MACROD1: variants seen among roughly 807,000 people sequenced by gnomAD.
The protein encoded by MACROD1 is ADP-ribose glycohydrolase MACROD1.
A neutral mutation model predicts 41.4 loss-of-function variants in MACROD1; 31 were observed. The ratio of observed to expected loss-of-function variants is 0.75; its 90% CI spans 0.56 to 1.01. The LOEUF (loss-of-function observed/expected upper bound fraction) is 1.01. Among genes scored for constraint, MACROD1 ranks in the 50% least tolerant of loss-of-function variants. MACROD1 has a pLI of 0.00. For missense variants in MACROD1, 473 were observed against 460.0 expected (o/e 1.03, Z -0.26); for synonymous variants, 252 against 203.4 (o/e 1.24, Z -2.03).
rs748392464 is a variant in MACROD1 at position 64,117,389 on chromosome 11, G to C, written c.517+33850C>G. 274 of 1,612,326 alleles carry C rather than the reference G, an allele frequency of 1.7e-4. 2 individuals are homozygous for C. The Admixed American group carries it at 4.4e-3, about 26-fold the overall frequency. On this transcript the variant is annotated intron_variant, in intron 3 of 10. Transcript: ENST00000255681. ...TGGCCATCAAGGACATTACCAGCGA[G>C]ATGGACGAGTGTTTTGAGACGGGGC...
chr11:64,057,511 C>A (rs1315395162), intron 3 of MACROD1, among the ~76,000 whole-genome samples: 1 of 152,210 alleles, frequency 6.6e-6, no homozygotes, highest in African/African-American at 2.4e-5. Context: ...TGGAGGCAAG[C>A]CCAGCTCTCC....
Position 64,036,542 on chromosome 11 carries a change from C to T in MACROD1, c.518-21261G>A, listed in dbSNP as rs1943384158. 6.6e-6 allele frequency among the ~76,000 whole-genome samples: 1 copy of T among 152,176 alleles called. No homozygotes were observed. Among genetic ancestry groups the T allele is most frequent in the Non-Finnish European group, 1.5e-5 (1 of 68,004 alleles). On this transcript the variant is annotated intron_variant, in intron 3 of 10. Transcript: ENST00000255681. The surrounding 1 kb of genome is among the most constrained non-coding windows in gnomAD (Gnocchi z 5.6). ...GGCGTCAGGCCGGTCATGTGGGTCC[C>T]AGCTCCCGCACTCGGGAACCGGAGG...
chr11:64,157,352 C>A (rs1328422873), intron 1 of MACROD1, among the ~76,000 whole-genome samples: 2 of 152,170 alleles, frequency 1.3e-5, no homozygotes, highest in East Asian at 3.8e-4. Flanking sequence ...CCTCAGCCTC[C>A]GAAAGTGCTG....
At chr11:64,105,431 C>T (rs1488845245) in intron 3 of MACROD1, among the ~76,000 whole-genome samples, 1 of 152,214 alleles carries the variant, frequency 6.6e-6, no homozygotes, top group Non-Finnish European at 1.5e-5. Context: ...GGGGCCTGGC[C>T]CTCTGGTTGT....
At chr11:64,150,859 C>A (rs779563084) in intron 3 of MACROD1, among the ~76,000 whole-genome samples, 2 of 152,232 alleles carry the variant, frequency 1.3e-5, no homozygotes, top group Non-Finnish European at 2.9e-5. Context: ...CCGCCCAGGT[C>A]TGAAGCGGGG....
At chr11:64,009,502 C>T (rs1942968175) in intron 4 of MACROD1, among the ~76,000 whole-genome samples, 1 of 152,232 alleles carries the variant, frequency 6.6e-6, no homozygotes, top group African/African-American at 2.4e-5. Context: ...CTGGGTCTCC[C>T]TGAAGGCAGA....
chr11:64,061,042 G>A (rs1296953745), intron 3 of MACROD1, among the ~76,000 whole-genome samples: 1 of 152,110 alleles, frequency 6.6e-6, no homozygotes, highest in Non-Finnish European at 1.5e-5. Flanking sequence ...CTCCTCCCTT[G>A]TCTTGATGGA....
chr11:64,141,697 C>A (rs1482710050), intron 3 of MACROD1, among the ~76,000 whole-genome samples: 3 of 152,206 alleles, frequency 2.0e-5, no homozygotes, highest in Admixed American at 6.5e-5. Context: ...ACCGGGGACG[C>A]AAGCAGGGGC....
intron 3 of MACROD1, among the ~76,000 whole-genome samples, chr11:64,116,050 C>A (rs577065924): frequency 6.6e-5 from 10 of 152,186 alleles, no homozygotes; most frequent in Non-Finnish European, 7.3e-5. Context: ...CAATCACCTG[C>A]GGCATAAACC....
rs139116047 is a variant in MACROD1, at chr11:64,099,507, C to A, written c.517+51732G>T. On this transcript the variant is annotated intron_variant, in intron 3 of 10. Transcript: ENST00000255681. ...AGAGACGGATGGATGAATGGACAGA[C>A]GGATAGATGGAGAAATGGATGGATG... Among the ~76,000 whole-genome samples the A allele has an allele frequency of 1.8e-3, 273 of 151,372 alleles. 2 individuals carry two copies. Among genetic ancestry groups the A allele is most frequent in the African/African-American group, 6.1e-3 (251 of 41,208 alleles).
chr11:64,050,264 C>T (rs185148435), intron 3 of MACROD1, among the ~76,000 whole-genome samples: 1 of 152,258 alleles, frequency 6.6e-6, no homozygotes, highest in East Asian at 1.9e-4. Context: ...CCTGAGACCC[C>T]GAGAGATGAG....
chr11:64,165,158 G>C (rs1945818589), intron 1 of MACROD1, among the ~76,000 whole-genome samples: 1 of 152,238 alleles, frequency 6.6e-6, no homozygotes. Flanking sequence ...AGGCAGGACA[G>C]GCCAGCCCAG....
chr11:64,126,680 C>G (rs370225061), intron 3 of MACROD1, among the ~76,000 whole-genome samples: 1 of 151,984 alleles, frequency 6.6e-6, no homozygotes, highest in East Asian at 1.9e-4. Context: ...CAGCCCCTGG[C>G]GGCCAAGGGG....
intron 3 of MACROD1, among the ~76,000 whole-genome samples, chr11:64,081,429 G>T (rs929173212): frequency 6.6e-6 from 1 of 152,212 alleles, no homozygotes. Flanking sequence ...CCTGGGACCT[G>T]TCCCAGCTGT....
intron 4 of MACROD1, among the ~76,000 whole-genome samples, chr11:64,014,773 G>T (rs910879759): frequency 6.6e-6 from 1 of 152,234 alleles, no homozygotes; most frequent in Non-Finnish European, 1.5e-5. Context: ...CCCCTGCTCC[G>T]TGGTGGTCGT....
intron 3 of MACROD1, among the ~76,000 whole-genome samples, chr11:64,050,573 G>A (rs1300193925): frequency 3.3e-5 from 5 of 152,232 alleles, no homozygotes; most frequent in South Asian, 2.1e-4. Context: ...ACAGCGCTAA[G>A]GACAGGCCTG....
chr11:64,051,644 T>C (rs1943697924), intron 3 of MACROD1, among the ~76,000 whole-genome samples: 1 of 152,034 alleles, frequency 6.6e-6, no homozygotes, highest in Admixed American at 6.5e-5. Flanking sequence ...CTGGTGGCAG[T>C]GTGTACATCA....
At chr11:64,152,517 G>A (rs1945597508) in intron 1 of MACROD1, 124 bp from the exon 2 acceptor site, 1 of 740,264 alleles carries the variant, frequency 1.4e-6, no homozygotes, top group Non-Finnish European at 2.4e-6. Context: ...CTCCTTCTCT[G>A]GGCACACAGG....
At chr11:64,138,689 G>T in intron 3 of MACROD1, 1 of 341,652 alleles carries the variant, frequency 2.9e-6, no homozygotes, top group Non-Finnish European at 4.1e-6. Context: ...CAGGGAGGAG[G>T]CAGCAGCGGG....
Sources: allele counts gnomAD v4.1 joint callset (sites outside exome capture counted in the v4.1 genomes callset), GRCh38; gene constraint gnomAD v4.1.1; non-coding constraint Gnocchi (gnomAD v3.1); transcripts MANE v1.5; gene names NCBI Gene and HGNC (gene_info 2026-07-23, HGNC 2026-07-21).